The following CSMD3 variants were observed in gnomAD, a reference collection of about 807,000 sequenced individuals.
CSMD3 encodes CUB and sushi domain-containing protein 3.
CSMD3 carries 177 observed loss-of-function variants against 435.2 expected under a neutral mutation model. The ratio of observed to expected loss-of-function variants is 0.41; its 90% CI spans 0.36 to 0.46. The LOEUF is 0.46. Among genes scored for constraint, CSMD3 ranks in the 20% least tolerant of loss-of-function variants. The pLI is 0.34. For synonymous variants in CSMD3, 1,656 were observed against 1,520.5 expected (o/e 1.09, Z -2.07); for missense variants, 4,265 against 4,504.6 (o/e 0.95, Z 1.52).
intron 63 of CSMD3, among the ~76,000 whole-genome samples, chr8:112,253,284 A>G (rs1446563176): frequency 6.6e-6 from 1 of 151,946 alleles, no homozygotes; most frequent in African/African-American, 2.4e-5. Flanking sequence ...ATATTAATCT[A>G]AAGTTCTCTA....
At chr8:113,131,639 A>G (rs938144731) in intron 4 of CSMD3, among the ~76,000 whole-genome samples, 2 of 152,148 alleles carry the variant, frequency 1.3e-5, no homozygotes, top group Non-Finnish European at 2.9e-5. Context: ...AGGAAAGTGC[A>G]GAAGGGAAAT....
At chr8:113,065,745 A>G (rs1272090638) in intron 5 of CSMD3, among the ~76,000 whole-genome samples, 1 of 152,034 alleles carries the variant, frequency 6.6e-6, no homozygotes, top group Non-Finnish European at 1.5e-5. Flanking sequence ...ATTCCTTCAG[A>G]CCCTCCATTA....
chr8:113,251,140 A>AT (rs1470742928), intron 3 of CSMD3, among the ~76,000 whole-genome samples: 10 of 152,250 alleles, frequency 6.6e-5, no homozygotes, highest in African/African-American at 2.4e-4. Flanking sequence ...CATGCCTCCC[A>AT]TTTTATGAAG....
chr8:113,372,363 AG>A (rs1470958741), intron 1 of CSMD3, among the ~76,000 whole-genome samples: 2 of 152,194 alleles, frequency 1.3e-5, no homozygotes, highest in Non-Finnish European at 2.9e-5. Flanking sequence ...TTGAAGCTAC[AG>A]GGGATAAATA....
At chr8:112,906,182 T>G (rs535764855) in intron 10 of CSMD3, among the ~76,000 whole-genome samples, 47 of 151,362 alleles carry the variant, frequency 3.1e-4, no homozygotes, top group African/African-American at 1.1e-3. Context: ...AGTATAGAAT[T>G]CCAACTAAGA....
intron 47 of CSMD3, among the ~76,000 whole-genome samples, chr8:112,315,448 T>C (rs1218082257): frequency 6.6e-6 from 1 of 151,902 alleles, no homozygotes; most frequent in South Asian, 2.1e-4. Context: ...GATCAATCCC[T>C]TTTTACTCAA....
intron 1 of CSMD3, among the ~76,000 whole-genome samples, chr8:113,372,597 G>A (rs2094352744): frequency 6.6e-6 from 1 of 152,162 alleles, no homozygotes; most frequent in African/African-American, 2.4e-5. Flanking sequence ...ACAACTGTAA[G>A]TAATCTGATT....
intron 12 of CSMD3, among the ~76,000 whole-genome samples, chr8:112,811,414 T>TTA (rs76354606): frequency 0.52 from 79,168 of 151,638 alleles, 21,173 homozygotes; most frequent in East Asian, 0.76. Flanking sequence ...AAGAAAACAC[T>TTA]TACAAGTTTT....
chr8:112,463,758 T>C (rs1322679548), intron 32 of CSMD3, among the ~76,000 whole-genome samples: 1 of 152,096 alleles, frequency 6.6e-6, no homozygotes, highest in Non-Finnish European at 1.5e-5. Flanking sequence ...ACTCTTACTG[T>C]GTGGCTATTG....
At chr8:113,069,810 A>C (rs1158674009) in intron 5 of CSMD3, among the ~76,000 whole-genome samples, 1 of 152,098 alleles carries the variant, frequency 6.6e-6, no homozygotes, top group Non-Finnish European at 1.5e-5. Flanking sequence ...GGCAGTGAAA[A>C]GCCCCTTTAT....
intron 32 of CSMD3, among the ~76,000 whole-genome samples, chr8:112,430,755 G>A (rs1310874813): frequency 6.6e-6 from 1 of 152,028 alleles, no homozygotes; most frequent in Non-Finnish European, 1.5e-5. Context: ...ATAATACTCA[G>A]TTCACTGGTC....
chr8:112,727,958 T>C (rs2076999577), intron 13 of CSMD3, among the ~76,000 whole-genome samples: 1 of 151,964 alleles, frequency 6.6e-6, no homozygotes, highest in Admixed American at 6.6e-5. Flanking sequence ...TTTTCCAGAC[T>C]GTAAACTCTT....
intron 38 of CSMD3, among the ~76,000 whole-genome samples, chr8:112,377,762 T>C (rs1829084273): frequency 6.6e-6 from 1 of 152,050 alleles, no homozygotes; most frequent in Non-Finnish European, 1.5e-5. Flanking sequence ...ATTGTATCAA[T>C]GAATGCAAAA....
At position 112,365,726 on chromosome 8, in the gene CSMD3, G is replaced by C. The variant is rs1602704; in HGVS notation, c.6137-13192C>G. 4.0e-3 allele frequency among the ~76,000 whole-genome samples: 613 copies of C among 151,896 alleles called. 4 individuals carry two copies. Among genetic ancestry groups the C allele is most frequent in the African/African-American group, 0.014 (568 of 41,418 alleles). On this transcript the variant is annotated intron_variant, in intron 38 of 70. Transcript: ENST00000297405. ...GGGAACAACGCACCCAAACAATCAGGAGTTTACAAATGGATAACTCATTTT... is the reference window on the plus strand; with the variant it reads ...GGGAACAACGCACCCAAACAATCAGCAGTTTACAAATGGATAACTCATTTT...
At chr8:112,484,441 A>G (rs1819923148) in intron 31 of CSMD3, among the ~76,000 whole-genome samples, 2 of 152,002 alleles carry the variant, frequency 1.3e-5, no homozygotes, top group South Asian at 4.1e-4. Flanking sequence ...ACTGTTATAT[A>G]CTTTATTTTC....
At chr8:112,268,893 G>T (rs1397579162) in intron 59 of CSMD3, among the ~76,000 whole-genome samples, 1 of 152,044 alleles carries the variant, frequency 6.6e-6, no homozygotes, top group African/African-American at 2.4e-5. Flanking sequence ...CAAAAGGCAG[G>T]GTTTCTCTAC....
At chr8:112,916,101 T>C (rs1328509724) in intron 10 of CSMD3, among the ~76,000 whole-genome samples, 1 of 151,704 alleles carries the variant, frequency 6.6e-6, no homozygotes, top group Non-Finnish European at 1.5e-5. Flanking sequence ...AAATGATGAG[T>C]TGGAAAGAAA....
intron 30 of CSMD3, among the ~76,000 whole-genome samples, chr8:112,493,049 T>C (rs1177634538): frequency 2.0e-5 from 3 of 152,098 alleles, no homozygotes; most frequent in Non-Finnish European, 4.4e-5. Context: ...CTTTAAGACA[T>C]GTTCATTTCT....
At chr8:112,494,534 T>TCTTTCTTTCTTTCTTTC (rs1821106324) in intron 30 of CSMD3, among the ~76,000 whole-genome samples, 1 of 143,478 alleles carries the variant, frequency 7.0e-6, no homozygotes, top group Non-Finnish European at 1.5e-5. Flanking sequence ...TTTCTTTCTT[T>TCTTTCTTTCTTTCTTTC]CTTTCTTTCT....
Sources: allele counts gnomAD v4.1 joint callset (sites outside exome capture counted in the v4.1 genomes callset), GRCh38; gene constraint gnomAD v4.1.1; transcripts MANE v1.5; gene names NCBI Gene and HGNC (gene_info 2026-07-23, HGNC 2026-07-21).